The following CCDC171 variants were observed in gnomAD, a reference collection of about 807,000 sequenced individuals.
The protein encoded by CCDC171 is coiled-coil domain-containing protein 171.
Under a neutral mutation model 168.2 loss-of-function variants are expected in CCDC171, and 177 were observed. That is an observed-to-expected ratio of 1.05 (90% CI 0.93 to 1.19). The LOEUF is 1.19. CCDC171 is among the 50% of genes most tolerant of loss of function. CCDC171 has a pLI of 0.00. For synonymous variants in CCDC171, 687 were observed against 540.8 expected (o/e 1.27, Z -3.75); for missense variants, 1,991 against 1,539.0 (o/e 1.29, Z -4.91).
At chr9:16,064,591 G>A (rs372901937), downstream of CCDC171, among the ~76,000 whole-genome samples, 1 of 152,188 alleles carries the variant, frequency 6.6e-6, no homozygotes. Context: ...GCTGTCACTT[G>A]TCATCACTTG....
chr9:16,017,110 G>A (rs1193373795), intron 3 of CCDC171, among the ~76,000 whole-genome samples: 1 of 152,020 alleles, frequency 6.6e-6, no homozygotes, highest in Non-Finnish European at 1.5e-5. Flanking sequence ...AGTAGATTAT[G>A]TTCTTTTTTA....
chr9:16,041,141 G>A (rs1030290381), upstream of CCDC171, among the ~76,000 whole-genome samples: 5 of 152,206 alleles, frequency 3.3e-5, no homozygotes, highest in African/African-American at 1.2e-4. Flanking sequence ...GCAGAAGGCA[G>A]CACTAGGTGA....
chr9:15,907,029 A>T (rs1822761642), intron 24 of CCDC171, among the ~76,000 whole-genome samples: 1 of 152,192 alleles, frequency 6.6e-6, no homozygotes, highest in South Asian at 2.1e-4. Flanking sequence ...ATGGAAGAAC[A>T]TTCCATGCTC....
In CCDC171 at chr9:15,846,772, C is replaced by T. The variant is rs1445835989; in HGVS notation, c.3338C>T (p.Thr1113Ile). ...QSLRQLNRHL[T>I]QLEQDKRRLE... ...CTGCGTCAGCTCAATAGACATCTTA[C>T]CCAGCTGGAGCAGGACAAGCGTCGA... The change falls in exon 22 of 26, where the codon ACC (threonine) becomes ATC (isoleucine). Residue 1113 changes from threonine to isoleucine, a missense_variant. Coordinates refer to ENST00000380701, the MANE Select transcript of CCDC171 (RefSeq NM_173550.4). The T allele has an allele frequency of 2.5e-6, 4 of 1,612,516 alleles. No homozygotes were observed. Among genetic ancestry groups the T allele is most frequent in the Non-Finnish European group, 3.4e-6 (4 of 1,179,246 alleles).
intron 1 of CCDC171, among the ~76,000 whole-genome samples, chr9:15,560,285 G>A (rs1029787397): frequency 2.6e-5 from 4 of 152,144 alleles, no homozygotes; most frequent in African/African-American, 9.7e-5. Context: ...GCCTCACTAG[G>A]TTGGGGAAGC....
intron 25 of CCDC171, among the ~76,000 whole-genome samples, chr9:15,965,088 C>A (rs1830670311): frequency 6.6e-6 from 1 of 152,092 alleles, no homozygotes; most frequent in African/African-American, 2.4e-5. Flanking sequence ...TAAGTTTAAA[C>A]CTCAGTGCCT....
At chr9:15,625,600 C>G (rs2045006452) in intron 7 of CCDC171, among the ~76,000 whole-genome samples, 1 of 152,114 alleles carries the variant, frequency 6.6e-6, no homozygotes, top group Non-Finnish European at 1.5e-5. Context: ...TTGTTTTTGT[C>G]AGGTTTGTCA....
intron 11 of CCDC171, among the ~76,000 whole-genome samples, chr9:15,696,611 A>G (rs1263563184): frequency 6.6e-6 from 1 of 152,184 alleles, no homozygotes; most frequent in Non-Finnish European, 1.5e-5. Flanking sequence ...TAATGGTGTT[A>G]GGATCTTTAA....
chr9:15,781,039 A>G (rs2057639429), intron 20 of CCDC171, among the ~76,000 whole-genome samples: 1 of 152,206 alleles, frequency 6.6e-6, no homozygotes, highest in African/African-American at 2.4e-5. Flanking sequence ...CATTTATGCA[A>G]TTTGAGATTT....
At chr9:15,957,961 C>T (rs1483178063) in intron 25 of CCDC171, among the ~76,000 whole-genome samples, 1 of 151,818 alleles carries the variant, frequency 6.6e-6, no homozygotes, top group African/African-American at 2.4e-5. Flanking sequence ...TGAGACACTT[C>T]GAAAGGAGGA....
At chr9:15,908,339 G>A (rs1356444555) in intron 24 of CCDC171, among the ~76,000 whole-genome samples, 1 of 152,138 alleles carries the variant, frequency 6.6e-6, no homozygotes, top group African/African-American at 2.4e-5. Context: ...AAAATGATGA[G>A]TTCATGTCCT....
At chr9:15,844,153 C>T (rs1430469253) in intron 21 of CCDC171, among the ~76,000 whole-genome samples, 1 of 152,062 alleles carries the variant, frequency 6.6e-6, no homozygotes, top group East Asian at 1.9e-4. Flanking sequence ...TGCCTTGTTG[C>T]CTAGAGGCGC....
chr9:15,897,905 G>A (rs746323675), intron 24 of CCDC171, among the ~76,000 whole-genome samples: 14 of 152,162 alleles, frequency 9.2e-5, no homozygotes, highest in Admixed American at 6.6e-4. Flanking sequence ...GGACAGGCAT[G>A]GATTTGAATC....
intron 21 of CCDC171, among the ~76,000 whole-genome samples, chr9:15,821,940 A>C (rs1355648639): frequency 4.1e-5 from 2 of 49,010 alleles, no homozygotes; most frequent in South Asian, 1.2e-3. Context: ...ACTATACAAC[A>C]AGGCTACAGT....
At chr9:15,896,032 G>A (rs1820849247) in intron 24 of CCDC171, among the ~76,000 whole-genome samples, 1 of 151,810 alleles carries the variant, frequency 6.6e-6, no homozygotes, top group Non-Finnish European at 1.5e-5. Context: ...TTATTTTGAT[G>A]ACCTCTTTTC....
At chr9:15,672,836 G>T (rs549862952) in intron 9 of CCDC171, among the ~76,000 whole-genome samples, 2 of 152,158 alleles carry the variant, frequency 1.3e-5, no homozygotes, top group African/African-American at 4.8e-5. Context: ...TTGGCAATGT[G>T]GGCTCTTTTT....
At chr9:15,745,725 G>A (rs1037710012) in intron 18 of CCDC171, 94 bp downstream of exon 18, 2 of 655,662 alleles carry the variant, frequency 3.1e-6, no homozygotes, top group Admixed American at 5.8e-5. Flanking sequence ...ACATATAGGG[G>A]GAAATATATT....
intron 1 of CCDC171, among the ~76,000 whole-genome samples, chr9:16,053,189 C>G (rs1317152047): frequency 6.6e-6 from 1 of 152,260 alleles, no homozygotes. Context: ...CAGCTCCACT[C>G]TAGACAGATG....
intron 1 of CCDC171, among the ~76,000 whole-genome samples, chr9:16,056,010 C>T (rs1833833315): frequency 6.6e-6 from 1 of 152,154 alleles, no homozygotes; most frequent in Non-Finnish European, 1.5e-5. Flanking sequence ...GAGGCAACAA[C>T]ATGGAAGAAT....
Sources: allele counts gnomAD v4.1 joint callset (sites outside exome capture counted in the v4.1 genomes callset), GRCh38; gene constraint gnomAD v4.1.1; transcripts MANE v1.5; gene names NCBI Gene and HGNC (gene_info 2026-07-23, HGNC 2026-07-21).